Variants in CAMTA1 observed in about 807,000 individuals in gnomAD.
CAMTA1 encodes calmodulin binding transcription activator 1.
In CAMTA1, 27 loss-of-function variants were observed where a neutral mutation model predicts 170.9. The ratio of observed to expected loss-of-function variants is 0.16; its 90% CI spans 0.12 to 0.22. The LOEUF (loss-of-function observed/expected upper bound fraction) is 0.22. Among genes scored for constraint, CAMTA1 ranks in the 10% least tolerant of loss-of-function variants. The probability of loss-of-function intolerance (pLI) is 1.00; values close to 1 mark genes in which losing one functional copy is unlikely to be tolerated. For missense variants in CAMTA1, 1,619 were observed against 2,217.2 expected, an observed-to-expected ratio of 0.73 and a Z score of 5.42; for synonymous variants, 833 against 891.5, an observed-to-expected ratio of 0.93 and a Z score of 1.17.
chr1:7,706,560 A>C (rs947060391), intron 11 of CAMTA1, among the ~76,000 whole-genome samples: 1 of 152,270 alleles, frequency 6.6e-6, no homozygotes, highest in Non-Finnish European at 1.5e-5. Context: ...TTATTATTCC[A>C]AGACCAGAAT....
chr1:7,661,382 C>T (rs2095955806), intron 7 of CAMTA1, among the ~76,000 whole-genome samples: 1 of 152,216 alleles, frequency 6.6e-6, no homozygotes, highest in South Asian at 2.1e-4. Context: ...TCCTTCTGTC[C>T]TTGTTCCCTT....
chr1:7,375,653 C>T (rs1427021340), intron 5 of CAMTA1, among the ~76,000 whole-genome samples: 3 of 152,226 alleles, frequency 2.0e-5, no homozygotes, highest in African/African-American at 7.2e-5. Flanking sequence ...CAGGCTGGCA[C>T]CACTGATTAG....
intron 4 of CAMTA1, among the ~76,000 whole-genome samples, chr1:7,121,742 C>T (rs975326258): frequency 2.0e-5 from 3 of 152,144 alleles, no homozygotes; most frequent in African/African-American, 7.2e-5. Context: ...GTTCTGGCAG[C>T]CCTCCAGAGC....
At chr1:7,040,325 C>T (rs1476977779) in intron 3 of CAMTA1, among the ~76,000 whole-genome samples, 1 of 152,146 alleles carries the variant, frequency 6.6e-6, no homozygotes, top group African/African-American at 2.4e-5. Context: ...TGTAAGTTGT[C>T]TAAACACGGC....
At chr1:7,614,845 G>A (rs1207011418) in intron 6 of CAMTA1, among the ~76,000 whole-genome samples, 3 of 152,124 alleles carry the variant, frequency 2.0e-5, no homozygotes, top group Non-Finnish European at 4.4e-5. Context: ...GAAAGCCCTG[G>A]CTCCATCTGC....
intron 5 of CAMTA1, among the ~76,000 whole-genome samples, chr1:7,332,259 G>A (rs1047029134): frequency 6.7e-6 from 1 of 149,082 alleles, no homozygotes; most frequent in African/African-American, 2.6e-5. Flanking sequence ...AATGACTTCG[G>A]GGAAAGAGGA....
chr1:7,152,271 G>A (rs934786500), intron 4 of CAMTA1, among the ~76,000 whole-genome samples: 1 of 152,114 alleles, frequency 6.6e-6, no homozygotes, highest in Non-Finnish European at 1.5e-5. Flanking sequence ...GCCAAGACTC[G>A]AAGCAGTAGC....
chr1:7,640,682 T>A, intron 7 of CAMTA1, 129 bp downstream of exon 7: 1 of 1,066,096 alleles, frequency 9.4e-7, no homozygotes, highest in Non-Finnish European at 1.4e-6. Context: ...GGAATGACAG[T>A]GGCACCGTGA....
intron 3 of CAMTA1, among the ~76,000 whole-genome samples, chr1:6,996,332 G>A (rs1697245676): frequency 6.6e-6 from 1 of 152,170 alleles, no homozygotes; most frequent in Non-Finnish European, 1.5e-5. Flanking sequence ...GAATAATATT[G>A]AGTTTTTGTT....
chr1:6,872,552 T>G (rs577631488), intron 3 of CAMTA1, among the ~76,000 whole-genome samples: 1 of 152,342 alleles, frequency 6.6e-6, no homozygotes, highest in Admixed American at 6.5e-5. Context: ...AAATGTACTT[T>G]TGTCTCTGCC....
intron 6 of CAMTA1, among the ~76,000 whole-genome samples, chr1:7,616,591 G>A (rs2095560503): frequency 6.6e-6 from 1 of 152,246 alleles, no homozygotes; most frequent in South Asian, 2.1e-4. Context: ...GCATTTGGAA[G>A]AGGGTCCTTC....
intron 6 of CAMTA1, among the ~76,000 whole-genome samples, chr1:7,498,311 T>A (rs1199660831): frequency 2.0e-5 from 3 of 150,290 alleles, no homozygotes; most frequent in African/African-American, 7.4e-5. Context: ...TGAGTGTGGA[T>A]GTGTGTGTAA....
intron 7 of CAMTA1, among the ~76,000 whole-genome samples, chr1:7,645,944 TG>T (rs778139380): frequency 6.6e-6 from 1 of 152,212 alleles, no homozygotes; most frequent in Non-Finnish European, 1.5e-5. Context: ...TGGCAGGTGG[TG>T]GAGGCCATAG....
intron 11 of CAMTA1, among the ~76,000 whole-genome samples, chr1:7,708,022 C>T (rs1289478553): frequency 1.3e-5 from 2 of 152,124 alleles, no homozygotes; most frequent in Non-Finnish European, 2.9e-5. Flanking sequence ...TGATATGATA[C>T]CTTGTGAATA....
At chr1:7,559,209 C>T (rs2094923960) in intron 6 of CAMTA1, among the ~76,000 whole-genome samples, 1 of 152,312 alleles carries the variant, frequency 6.6e-6, no homozygotes, top group East Asian at 1.9e-4. Flanking sequence ...CCATTCTCCA[C>T]CCCCAGAGCC....
chr1:6,796,321 G>A (rs1310230814), intron 1 of CAMTA1, among the ~76,000 whole-genome samples: 5 of 151,400 alleles, frequency 3.3e-5, no homozygotes, highest in African/African-American at 7.3e-5. Flanking sequence ...TATTTTTTGC[G>A]GAGATGGAGT....
intron 1 of CAMTA1, among the ~76,000 whole-genome samples, chr1:6,793,601 A>G (rs1446456469): frequency 2.0e-5 from 3 of 152,246 alleles, no homozygotes; most frequent in Admixed American, 6.5e-5. Flanking sequence ...TAAGGGATAC[A>G]TCAGATGTTT....
chr1:7,615,409 C>G (rs2095552627), intron 6 of CAMTA1, among the ~76,000 whole-genome samples: 1 of 152,212 alleles, frequency 6.6e-6, no homozygotes, highest in Non-Finnish European at 1.5e-5. Flanking sequence ...TTGGAGCAGG[C>G]TGCTTGAGTG....
chr1:7,335,124 T>TTTTGTGTGTGTGTGTGTGTGTGTGTG lies in CAMTA1; in HGVS notation c.438+85499_438+85500insTTGTGTGTGTGTGTGTGTGTGTGTGT, dbSNP rs1557537117. Reference sequence around the variant, plus strand: ...GAGGGCTTGTTTGGCAGCACAGCTTTTGTGTGTGTGTGTGTGGGGGGGGGG... The same window carrying TTTTGTGTGTGTGTGTGTGTGTGTGTG: ...GAGGGCTTGTTTGGCAGCACAGCTTTTTTGTGTGTGTGTGTGTGTGTGTGTGTGTGTGTGTGTGTGTGGGGGGGGGG... On this transcript the variant is annotated intron_variant, in intron 5 of 22. Coordinates refer to ENST00000303635, the MANE Select transcript of CAMTA1 (RefSeq NM_015215.4). Among the ~76,000 whole-genome samples the TTTTGTGTGTGTGTGTGTGTGTGTGTG allele has an allele frequency of 7.5e-3, 143 of 19,174 alleles. 3 individuals carry two copies. The highest frequency in any genetic ancestry group is 0.012 in the Non-Finnish European group (117 of 10,098). The allele number at this position is 19,174 out of a possible 152,430, so 12.6% of individuals were successfully genotyped here. A position where few individuals can be genotyped will look rare whatever the true frequency, so the allele number is the denominator to read the frequency against.
Sources: gnomAD v4.1 joint callset for allele counts (sites outside exome capture counted in the v4.1 genomes callset) on GRCh38, gnomAD v4.1.1 for gene constraint, MANE v1.5 for transcripts, NCBI Gene and HGNC (gene_info 2026-07-23, HGNC 2026-07-21) for gene names.